CCNJL: variants seen among roughly 807,000 people sequenced by gnomAD.
CCNJL encodes the protein cyclin-J-like protein.
Under a neutral mutation model 33.4 loss-of-function variants are expected in CCNJL, and 33 were observed. The observed-to-expected ratio is 0.99, with a 90% CI of 0.75 to 1.32. CCNJL has a LOEUF of 1.32. Among genes scored for constraint, CCNJL ranks in the 40% most tolerant of loss-of-function variants. The probability of loss-of-function intolerance (pLI) is 0.00; values close to 1 mark genes in which losing one functional copy is unlikely to be tolerated. For missense variants in CCNJL, 512 were observed against 499.7 expected (o/e 1.02, Z -0.23); for synonymous variants, 227 against 220.9 (o/e 1.03, Z -0.24).
intron 2 of CCNJL, among the ~76,000 whole-genome samples, chr5:160,298,355 T>C (rs62377477): frequency 6.6e-6 from 1 of 151,116 alleles, no homozygotes; most frequent in East Asian, 1.9e-4. Context: ...AGAGACTCTA[T>C]TTAAAAAAAA....
chr5:160,267,538 G>A (rs530198273), intron 3 of CCNJL, among the ~76,000 whole-genome samples: 8 of 152,074 alleles, frequency 5.3e-5, no homozygotes, highest in South Asian at 4.2e-4. Flanking sequence ...CCAAAGTCCC[G>A]AGCTTTTTAC....
chr5:160,326,915 C>A, intron 1 of CCNJL: 1 of 658,542 alleles, frequency 1.5e-6, no homozygotes. Context: ...TGAATACGAC[C>A]GAGTCGGATC....
upstream of CCNJL, among the ~76,000 whole-genome samples, chr5:160,316,809 T>C (rs1475707763): frequency 6.6e-6 from 1 of 152,218 alleles, no homozygotes; most frequent in East Asian, 1.9e-4. Context: ...TATGGATCCA[T>C]CATGATGTGT....
chr5:160,339,396 AAC>A, intron 1 of CCNJL: 1 of 399,186 alleles, frequency 2.5e-6, no homozygotes, highest in South Asian at 1.9e-5. Context: ...AAAACCCCAA[AAC>A]ACATCCAAAC....
intron 1 of CCNJL, among the ~76,000 whole-genome samples, chr5:160,330,121 C>G (rs1166780617): frequency 1.3e-5 from 2 of 152,098 alleles, no homozygotes; most frequent in Non-Finnish European, 2.9e-5. Flanking sequence ...TGCCATTGTC[C>G]CCAATTCTGA....
At chr5:160,309,376 G>C (rs901908128) in intron 2 of CCNJL, among the ~76,000 whole-genome samples, 1 of 152,104 alleles carries the variant, frequency 6.6e-6, no homozygotes, top group Non-Finnish European at 1.5e-5. Context: ...TCTCAACTTC[G>C]CCTCCTGTGT....
At chr5:160,300,174 C>G (rs1433445528) in intron 2 of CCNJL, among the ~76,000 whole-genome samples, 1 of 152,166 alleles carries the variant, frequency 6.6e-6, no homozygotes, top group Non-Finnish European at 1.5e-5. Flanking sequence ...GAACCATCTG[C>G]TCCAGGGACC....
At chr5:160,311,772 C>T (rs1763267080) in intron 2 of CCNJL, 86 bp downstream of exon 2, 1 of 1,307,996 alleles carries the variant, frequency 7.6e-7, no homozygotes, top group Non-Finnish European at 1.1e-6. Flanking sequence ...TTCTGAGTTC[C>T]CACGCAGGCG....
Position 160,268,406 on chromosome 5 carries a change from A to G in CCNJL, c.281-8635T>C, listed in dbSNP as rs150912692. On this transcript the variant is annotated intron_variant, in intron 3 of 5. Transcript: ENST00000257536. Reference sequence around the variant, plus strand: ...TTTCCTCATCTGTGAAATGGGAAGAAGACAAGTAGATAGAATTGTGGTGAG... The same window carrying G: ...TTTCCTCATCTGTGAAATGGGAAGAGGACAAGTAGATAGAATTGTGGTGAG... Among the ~76,000 whole-genome samples the G allele has an allele frequency of 6.7e-3, 1,016 of 152,354 alleles. 9 individuals are homozygous for G. The highest frequency in any genetic ancestry group is 0.023 in the African/African-American group (969 of 41,584).
At chr5:160,307,079 A>C (rs1041596748) in intron 2 of CCNJL, among the ~76,000 whole-genome samples, 1 of 152,234 alleles carries the variant, frequency 6.6e-6, no homozygotes, top group Non-Finnish European at 1.5e-5. Context: ...GACGAGATGA[A>C]GGATTCCCAG....
At chr5:160,306,281 A>AAG (rs1286186694) in intron 2 of CCNJL, among the ~76,000 whole-genome samples, 27 of 151,824 alleles carry the variant, frequency 1.8e-4, no homozygotes, top group African/African-American at 6.5e-4. Context: ...AAAAAAAAAA[A>AAG]AAAAAAAAAA....
rs1763450238 is a variant in CCNJL at position 160,321,018 on chromosome 5, CTTTCTTTCTTTCTTTCTT to C, written n.207-5531_207-5514del. Reference sequence around the variant, plus strand: ...TCTTTCTCTCTCTCTCTCTCTCTTTCTTTCTTTCTTTCTTTCTTTCTTTCTTTCTTTCTTTCTTTCTTT... The same window carrying C: ...TCTTTCTCTCTCTCTCTCTCTCTTTCTCTTTCTTTCTTTCTTTCTTTCTTT... On this transcript the variant is annotated intron_variant and non_coding_transcript_variant, in intron 1 of 7. Transcript: ENST00000377503. 5.2e-3 allele frequency among the ~76,000 whole-genome samples: 103 copies of C among 19,736 alleles called. 1 individual carries two copies. The highest frequency in any genetic ancestry group is 0.01 in the African/African-American group (48 of 4,692). The allele number at this position is 19,736 out of a possible 152,430, so 12.9% of individuals were successfully genotyped here.
rs1178845529 is a variant in CCNJL at position 160,321,046 on chromosome 5, CTTT to C, written n.207-5544_207-5542del. ...TCTTTCTTTCTTTCTTTCTTTCTTT[CTTT>C]CTTTCTTTCTTTCTTTCTTTCTTTC... On this transcript the variant is annotated intron_variant and non_coding_transcript_variant, in intron 1 of 7. Coordinates refer to the CCNJL transcript ENST00000377503. Among the ~76,000 whole-genome samples the C allele has an allele frequency of 7.3e-5, 8 of 110,342 alleles. 1 individual carries two copies. The highest frequency in any genetic ancestry group is 2.4e-4 in the African/African-American group (5 of 20,530). The allele number at this position is 110,342 out of a possible 152,430, so 72.4% of individuals were successfully genotyped here.
intron 1 of CCNJL, among the ~76,000 whole-genome samples, chr5:160,318,490 A>C (rs145189279): frequency 6.6e-6 from 1 of 152,246 alleles, no homozygotes; most frequent in Non-Finnish European, 1.5e-5. Context: ...CATTCAATCC[A>C]TAACAGAAGG....
At chr5:160,330,747 T>A (rs1763596885) in intron 1 of CCNJL, among the ~76,000 whole-genome samples, 2 of 151,728 alleles carry the variant, frequency 1.3e-5, no homozygotes, top group Non-Finnish European at 2.9e-5. Context: ...AACTGCAACC[T>A]CCTCCTCCTG....
At chr5:160,334,397 C>G (rs968558443) in intron 1 of CCNJL, among the ~76,000 whole-genome samples, 1 of 152,220 alleles carries the variant, frequency 6.6e-6, no homozygotes, top group Non-Finnish European at 1.5e-5. Flanking sequence ...TAAAATGATA[C>G]AAATCCATGC....
At chr5:160,332,774 T>C (rs1173476791) in intron 1 of CCNJL, among the ~76,000 whole-genome samples, 1 of 152,186 alleles carries the variant, frequency 6.6e-6, no homozygotes, top group Non-Finnish European at 1.5e-5. Context: ...GACCCTTCCA[T>C]ATGTCTTCTC....
chr5:160,313,914 C>T (rs1027574288), upstream of CCNJL, among the ~76,000 whole-genome samples: 2 of 152,356 alleles, frequency 1.3e-5, no homozygotes, highest in South Asian at 2.1e-4. Flanking sequence ...CGCCTGTAAT[C>T]CCAACACTTT....
intron 1 of CCNJL, among the ~76,000 whole-genome samples, chr5:160,337,777 T>C (rs1280645497): frequency 6.6e-6 from 1 of 152,122 alleles, no homozygotes; most frequent in Admixed American, 6.6e-5. Flanking sequence ...TGGAAATGAG[T>C]GAATTGTGAA....
Sources: gnomAD v4.1 joint callset for allele counts (sites outside exome capture counted in the v4.1 genomes callset) on GRCh38, gnomAD v4.1.1 for gene constraint, MANE v1.5 for transcripts, NCBI Gene and HGNC (gene_info 2026-07-23, HGNC 2026-07-21) for gene names.